DAB2IP: variants seen among roughly 807,000 people sequenced by gnomAD.
DAB2IP encodes disabled homolog 2-interacting protein.
A neutral mutation model predicts 107.2 loss-of-function variants in DAB2IP; 28 were observed. The ratio of observed to expected loss-of-function variants is 0.26; its 90% CI spans 0.19 to 0.36. The LOEUF (loss-of-function observed/expected upper bound fraction) is 0.36. Among genes scored for constraint, DAB2IP ranks in the 10% least tolerant of loss-of-function variants. DAB2IP has a pLI of 1.00. For synonymous variants in DAB2IP, 755 were observed against 706.4 expected (o/e 1.07, Z -1.09); for missense variants, 1,400 against 1,644.7 (o/e 0.85, Z 2.57).
At chr9:121,691,837 A>G (rs369986757) in intron 2 of DAB2IP, among the ~76,000 whole-genome samples, 2 of 152,196 alleles carry the variant, frequency 1.3e-5, no homozygotes, top group African/African-American at 4.8e-5. Context: ...GGTGTGTCAA[A>G]CAGTGGAATT....
At position 121,729,728 on chromosome 9, in the gene DAB2IP, G is replaced by A. The variant is rs1222558569; in HGVS notation, c.363-27285G>A. 5.3e-5 allele frequency among the ~76,000 whole-genome samples: 8 copies of A among 152,204 alleles called. No homozygotes were observed. In the South Asian group the frequency reaches 6.2e-4, roughly 12 times the overall value. On this transcript the variant is annotated intron_variant, in intron 3 of 15. Coordinates refer to ENST00000408936, the Ensembl canonical transcript of DAB2IP. ...CCCACAAACAGGTCTCATTTGGCCC[G>A]ATGGGGTGGAAAGTTTTTGTTTTGT...
chr9:121,601,265 C>T (rs1292117639), intron 1 of DAB2IP, among the ~76,000 whole-genome samples: 1 of 152,144 alleles, frequency 6.6e-6, no homozygotes, highest in Non-Finnish European at 1.5e-5. Context: ...CAGAACCTGG[C>T]CCAAAGTCAC....
At chr9:121,642,273 C>G (rs1394477924) in intron 1 of DAB2IP, among the ~76,000 whole-genome samples, 2 of 151,354 alleles carry the variant, frequency 1.3e-5, no homozygotes, top group Non-Finnish European at 2.9e-5. Flanking sequence ...CTGAGTCTCA[C>G]TCTGTCGCCC....
intron 6 of DAB2IP, 96 bp from the exon 7 acceptor site, chr9:121,763,409 C>T (rs1834039086): frequency 6.7e-7 from 1 of 1,495,128 alleles, no homozygotes; most frequent in African/African-American, 1.4e-5. Flanking sequence ...GGAACAGCCT[C>T]AAAATGCCAG....
At chr9:121,754,673 G>A (rs575390595) in intron 3 of DAB2IP, among the ~76,000 whole-genome samples, 11 of 152,154 alleles carry the variant, frequency 7.2e-5, no homozygotes, top group Non-Finnish European at 1.3e-4. Flanking sequence ...GACATGGTGG[G>A]GAAGGAAGGG....
chr9:121,784,569 G>T (rs1377723261), exon 16 of DAB2IP: 1 of 154,846 alleles, frequency 6.5e-6, no homozygotes, highest in Non-Finnish European at 1.5e-5. Flanking sequence ...ACTCTTCACA[G>T]ATTTTTATCT....
chr9:121,740,512 C>G (rs1166726069), intron 3 of DAB2IP, among the ~76,000 whole-genome samples: 1 of 152,210 alleles, frequency 6.6e-6, no homozygotes, highest in Non-Finnish European at 1.5e-5. Context: ...GGGTATTTCT[C>G]TGGAAGGCTC....
chr9:121,717,110 A>G (rs1353626376), intron 3 of DAB2IP, among the ~76,000 whole-genome samples: 1 of 152,172 alleles, frequency 6.6e-6, no homozygotes, highest in Non-Finnish European at 1.5e-5. Flanking sequence ...TTGCCCTCAG[A>G]GAAGCACTTT....
chr9:121,721,266 G>A (rs1830916186), intron 3 of DAB2IP, among the ~76,000 whole-genome samples: 1 of 152,178 alleles, frequency 6.6e-6, no homozygotes, highest in Non-Finnish European at 1.5e-5. Context: ...CCCAGCTGTG[G>A]GACCAGGACC....
chr9:121,599,607 C>T lies in DAB2IP; in HGVS notation c.40+32379C>T, dbSNP rs1479101865. Among the ~76,000 whole-genome samples, 1 of 152,088 alleles carries T rather than the reference C, an allele frequency of 6.6e-6. No individual in the cohort carries two copies. The highest frequency in any genetic ancestry group is 1.9e-4 in the East Asian group (1 of 5,168). On this transcript the variant is annotated intron_variant, in intron 1 of 16. Coordinates refer to the DAB2IP transcript ENST00000259371. This position sits in a 1 kb window ranked among gnomAD's most constrained non-coding sequence, Gnocchi z 6.9. ...CTCCTGCCTGGCCAGCCGCCTACTCCGCCCGCCCCGCTCCACTCGGCCCAG... is the reference window on the plus strand; with the variant it reads ...CTCCTGCCTGGCCAGCCGCCTACTCTGCCCGCCCCGCTCCACTCGGCCCAG...
Position 121,623,689 on chromosome 9 carries a change from T to C in DAB2IP, c.41-54989T>C, listed in dbSNP as rs1010117222. Among the ~76,000 whole-genome samples the C allele has an allele frequency of 5.9e-5, 9 of 151,876 alleles. 1 individual carries two copies. On this transcript the variant is annotated intron_variant, in intron 1 of 16. Coordinates refer to the DAB2IP transcript ENST00000259371. ...GGCCAGGGTTAAGGTTGTTTTGTTT[T>C]GTTTTGTTTTGTTTTTGAGATGGAG...
intron 1 of DAB2IP, among the ~76,000 whole-genome samples, chr9:121,568,623 G>A (rs1243805544): frequency 6.6e-6 from 1 of 152,174 alleles, no homozygotes; most frequent in East Asian, 1.9e-4. Flanking sequence ...GGGAGGCCAG[G>A]GGCAGACAGC....
At position 121,694,061 on chromosome 9, in the gene DAB2IP, C is replaced by T. The variant is rs185019384; in HGVS notation, c.229-5264C>T. ...GAAGCCTCCAGGTCTTCACTGGGAG[C>T]CCCTGTGGGACAGCTCTGCACTCAG... On this transcript the variant is annotated intron_variant, in intron 2 of 15. Coordinates refer to ENST00000408936, the Ensembl canonical transcript of DAB2IP. Among the ~76,000 whole-genome samples, 27 of 152,276 alleles carry T rather than the reference C, an allele frequency of 1.8e-4. 1 individual carries two copies. In the East Asian group the frequency reaches 5.2e-3, roughly 29 times the overall value.
At chr9:121,778,233 AT>A (rs1554750792) in intron 14 of DAB2IP, among the ~76,000 whole-genome samples, 1 of 152,112 alleles carries the variant, frequency 6.6e-6, no homozygotes, top group Non-Finnish European at 1.5e-5. Context: ...CACTAATTCC[AT>A]TTTTGAAGGC....
exon 12 of DAB2IP, chr9:121,773,264 C>A: frequency 6.5e-7 from 1 of 1,540,578 alleles, no homozygotes. Context: ...ACAGTGCTGG[C>A]CCCCAGAGGA....
intron 1 of DAB2IP, among the ~76,000 whole-genome samples, chr9:121,643,235 A>G (rs140469913): frequency 2.6e-5 from 4 of 152,154 alleles, no homozygotes; most frequent in Admixed American, 6.5e-5. Context: ...CATCCAGTCC[A>G]GCCCCACACC....
chr9:121,644,538 A>G (rs1323258171), intron 1 of DAB2IP, among the ~76,000 whole-genome samples: 1 of 152,116 alleles, frequency 6.6e-6, no homozygotes, highest in Non-Finnish European at 1.5e-5. Context: ...CGGAGGTTGC[A>G]GTGAGCTGAG....
chr9:121,581,249 G>C (rs1422857918), intron 1 of DAB2IP, among the ~76,000 whole-genome samples: 1 of 152,166 alleles, frequency 6.6e-6, no homozygotes, highest in African/African-American at 2.4e-5. Flanking sequence ...AGAGCCAAGG[G>C]GGTAGTGGGG....
At chr9:121,700,476 A>G (rs975823720) in intron 3 of DAB2IP, among the ~76,000 whole-genome samples, 9 of 152,134 alleles carry the variant, frequency 5.9e-5, no homozygotes, top group Non-Finnish European at 1.2e-4. Flanking sequence ...ACGGGCAGGC[A>G]CCGAGGAGCC....
Sources: gnomAD v4.1 joint callset for allele counts (sites outside exome capture counted in the v4.1 genomes callset) on GRCh38, gnomAD v4.1.1 for gene constraint, Gnocchi (gnomAD v3.1) non-coding constraint, MANE v1.5 for transcripts, NCBI Gene and HGNC (gene_info 2026-07-23, HGNC 2026-07-21) for gene names.